The following SUPT3H variants were observed in gnomAD, a reference collection of about 807,000 sequenced individuals.
SUPT3H encodes transcription initiation protein SPT3 homolog.
A neutral mutation model predicts 44.3 loss-of-function variants in SUPT3H; 44 were observed. The observed-to-expected ratio is 0.99, with a 90% confidence interval of 0.78 to 1.28. The LOEUF (loss-of-function observed/expected upper bound fraction) is 1.28. Among genes scored for constraint, SUPT3H ranks in the 50% most tolerant of loss-of-function variants. The pLI, the probability that SUPT3H is intolerant of heterozygous loss-of-function variation, is 0.00. For synonymous variants in SUPT3H, 124 were observed against 125.6 expected (o/e 0.99, Z 0.09); for missense variants, 380 against 387.1 (o/e 0.98, Z 0.15).
At chr6:45,219,856 T>C (rs1009738010) in intron 2 of SUPT3H, among the ~76,000 whole-genome samples, 2 of 151,502 alleles carry the variant, frequency 1.3e-5, no homozygotes, top group Non-Finnish European at 2.9e-5. Context: ...CTGGCCAACA[T>C]AGTGAAACCC....
intron 4 of SUPT3H, among the ~76,000 whole-genome samples, chr6:45,018,691 T>C (rs1784671946): frequency 6.6e-6 from 1 of 152,170 alleles, no homozygotes; most frequent in Non-Finnish European, 1.5e-5. Flanking sequence ...ATACCATGGA[T>C]GAAGCCCACT....
chr6:44,904,688 C>T (rs908320030), intron 10 of SUPT3H, among the ~76,000 whole-genome samples: 1 of 152,084 alleles, frequency 6.6e-6, no homozygotes, highest in African/African-American at 2.4e-5. Context: ...TCATATGGAA[C>T]CAAAAAAGAG....
intron 3 of SUPT3H, among the ~76,000 whole-genome samples, chr6:45,038,796 T>C (rs371578011): frequency 6.6e-6 from 1 of 152,182 alleles, no homozygotes; most frequent in South Asian, 2.1e-4. Context: ...AAAGGTGTAT[T>C]ATACCTTGGT....
intron 3 of SUPT3H, among the ~76,000 whole-genome samples, chr6:45,040,276 C>A (rs983000690): frequency 1.3e-5 from 2 of 152,198 alleles, no homozygotes; most frequent in Admixed American, 1.3e-4. Context: ...CTGTAGTTTG[C>A]TGACCCCTGG....
chr6:45,143,300 A>G (rs1443824279), intron 2 of SUPT3H, among the ~76,000 whole-genome samples: 1 of 152,132 alleles, frequency 6.6e-6, no homozygotes, highest in Non-Finnish European at 1.5e-5. Flanking sequence ...ACCATATGAT[A>G]GGCCACAAAA....
At chr6:45,246,238 G>A (rs1200738999) in intron 2 of SUPT3H, among the ~76,000 whole-genome samples, 1 of 151,976 alleles carries the variant, frequency 6.6e-6, no homozygotes, top group East Asian at 1.9e-4. Context: ...TCACTCTCTT[G>A]ACAGCGTCCT....
At chr6:45,214,327 T>C (rs1764670892) in intron 2 of SUPT3H, among the ~76,000 whole-genome samples, 1 of 152,032 alleles carries the variant, frequency 6.6e-6, no homozygotes, top group African/African-American at 2.4e-5. Context: ...TGTAATGTGA[T>C]TGACAGTATT....
chr6:45,230,964 C>T (rs1210608636), intron 2 of SUPT3H, among the ~76,000 whole-genome samples: 2 of 152,018 alleles, frequency 1.3e-5, no homozygotes, highest in Non-Finnish European at 2.9e-5. Flanking sequence ...AGCCACTGCG[C>T]CCAGCCAATC....
intron 3 of SUPT3H, among the ~76,000 whole-genome samples, chr6:45,093,860 T>C (rs1355178824): frequency 6.6e-6 from 1 of 152,146 alleles, no homozygotes; most frequent in African/African-American, 2.4e-5. Context: ...AAACCTAATA[T>C]GATTTTCAAA....
At chr6:45,287,701 G>A (rs1351017844) in intron 2 of SUPT3H, among the ~76,000 whole-genome samples, 1 of 152,130 alleles carries the variant, frequency 6.6e-6, no homozygotes, top group Non-Finnish European at 1.5e-5. Context: ...TAATGATTAT[G>A]CAATGTCAAG....
intron 5 of SUPT3H, among the ~76,000 whole-genome samples, chr6:45,013,811 G>C (rs1410627209): frequency 6.6e-6 from 1 of 151,986 alleles, no homozygotes; most frequent in Non-Finnish European, 1.5e-5. Context: ...AGAACTGGAG[G>C]GGCAAGCTAC....
rs1448265835 is a variant in SUPT3H at position 44,920,801 on chromosome 6, C to G, written c.912+11852G>C. Among the ~76,000 whole-genome samples, 5 of 152,162 alleles carry G rather than the reference C, an allele frequency of 3.3e-5. No individual in the cohort carries two copies. The East Asian group carries it at 9.6e-4, about 29-fold the overall frequency. On this transcript the variant is annotated intron_variant, in intron 10 of 10. Transcript: ENST00000371459. Reference sequence around the variant, plus strand: ...CATCTCATCTCAACGTACTCCAGATCCAGTTCCTCATCTTTGCCTGAACAG... The same window carrying G: ...CATCTCATCTCAACGTACTCCAGATGCAGTTCCTCATCTTTGCCTGAACAG...
At chr6:45,058,923 G>A (rs185707445) in intron 3 of SUPT3H, among the ~76,000 whole-genome samples, 2 of 152,046 alleles carry the variant, frequency 1.3e-5, no homozygotes, top group African/African-American at 4.8e-5. Context: ...AGCTGTTTTT[G>A]ATGCTTTAAG....
chr6:45,072,346 G>A (rs1794494062), intron 3 of SUPT3H, among the ~76,000 whole-genome samples: 1 of 152,140 alleles, frequency 6.6e-6, no homozygotes, highest in Non-Finnish European at 1.5e-5. Context: ...TTTCTTTTCA[G>A]TGCCACTCAA....
intron 10 of SUPT3H, among the ~76,000 whole-genome samples, chr6:44,842,469 C>T (rs1175976023): frequency 6.6e-6 from 1 of 151,992 alleles, no homozygotes; most frequent in African/African-American, 2.4e-5. Flanking sequence ...TAAGTGGTAT[C>T]AGTGTCAGGA....
chr6:45,046,591 A>G (rs1490711446), intron 3 of SUPT3H, among the ~76,000 whole-genome samples: 1 of 152,164 alleles, frequency 6.6e-6, no homozygotes, highest in Non-Finnish European at 1.5e-5. Flanking sequence ...TCGGCCTCCT[A>G]AAGTGCTGGG....
chr6:45,200,021 T>A (rs939521910), intron 2 of SUPT3H, among the ~76,000 whole-genome samples: 2 of 151,474 alleles, frequency 1.3e-5, no homozygotes, highest in Admixed American at 1.3e-4. Context: ...CTCAGTCAAA[T>A]GTTATACACC....
At chr6:45,059,363 A>G (rs1297042395) in intron 3 of SUPT3H, among the ~76,000 whole-genome samples, 1 of 152,196 alleles carries the variant, frequency 6.6e-6, no homozygotes, top group Admixed American at 6.5e-5. Context: ...TAGATGCAGA[A>G]AAGGCCTTTG....
At position 45,346,620 on chromosome 6, in the gene SUPT3H, T is replaced by A. The variant is rs1479168950; in HGVS notation, c.101+18581A>T. On this transcript the variant is annotated intron_variant, in intron 2 of 10. Transcript: ENST00000371459. ...TCTCACTCTATTGCCCAGGCCAAAG[T>A]GCAGTGGTGCGATCTCGGCTCACTG... 3.3e-5 allele frequency among the ~76,000 whole-genome samples: 5 copies of A among 150,100 alleles called. No individual in the cohort carries two copies. The East Asian group carries it at 9.9e-4, about 30-fold the overall frequency.
Sources: gnomAD v4.1 joint callset for allele counts (sites outside exome capture counted in the v4.1 genomes callset) on GRCh38, gnomAD v4.1.1 for gene constraint, MANE v1.5 for transcripts, NCBI Gene and HGNC (gene_info 2026-07-23, HGNC 2026-07-21) for gene names.